The following LARGE1 variants were observed in gnomAD, a reference collection of about 807,000 sequenced individuals.
LARGE1 encodes LARGE xylosyl- and glucuronyltransferase 1.
Under a neutral mutation model 87.6 loss-of-function variants are expected in LARGE1, and 43 were observed. The observed-to-expected ratio is 0.49, with a 90% confidence interval of 0.38 to 0.63. The LOEUF is 0.63. LARGE1 is among the 30% of genes least tolerant of loss of function. The pLI is 0.00. For missense variants in LARGE1, 802 were observed against 1,000.2 expected (o/e 0.80, Z 2.67); for synonymous variants, 434 against 394.6 (o/e 1.10, Z -1.18).
At chr22:33,201,185 G>C (rs1274646101) in intron 11 of LARGE1, among the ~76,000 whole-genome samples, 2 of 152,148 alleles carry the variant, frequency 1.3e-5, no homozygotes, top group Non-Finnish European at 2.9e-5. Flanking sequence ...GTGCATGCCT[G>C]TAATCCCAGC....
At chr22:33,496,604 T>G (rs1076913) in intron 6 of LARGE1, among the ~76,000 whole-genome samples, 1 of 151,938 alleles carries the variant, frequency 6.6e-6, no homozygotes, top group Non-Finnish European at 1.5e-5. Context: ...TGACCCGTTC[T>G]GTTTACGCTA....
intron 6 of LARGE1, among the ~76,000 whole-genome samples, chr22:33,497,204 C>G (rs930983816): frequency 6.6e-6 from 1 of 151,884 alleles, no homozygotes; most frequent in Admixed American, 6.6e-5. Context: ...GTCTCCCAAA[C>G]AGCTGGGACT....
At chr22:33,740,852 C>G (rs1472691500) in intron 2 of LARGE1, among the ~76,000 whole-genome samples, 1 of 152,206 alleles carries the variant, frequency 6.6e-6, no homozygotes, top group Non-Finnish European at 1.5e-5. Flanking sequence ...CTCACTCACT[C>G]AAGCTCTGTG....
chr22:33,878,129 C>CTTTTTTTTTTTGTTTTTTTTTTT, intron 1 of LARGE1, among the ~76,000 whole-genome samples: 1 of 44,652 alleles, frequency 2.2e-5, no homozygotes, highest in Non-Finnish European at 5.1e-5. Flanking sequence ...TATTGTATTT[C>CTTTTTTTTTTTGTTTTTTTTTTT]TTTTTTTTTT....
intron 4 of LARGE1, among the ~76,000 whole-genome samples, chr22:33,609,142 C>G (rs1466192151): frequency 6.6e-6 from 1 of 152,154 alleles, no homozygotes; most frequent in African/African-American, 2.4e-5. Flanking sequence ...TAAGTTACAA[C>G]AGGGATACAG....
chr22:33,514,329 T>A (rs2071197989), intron 6 of LARGE1, among the ~76,000 whole-genome samples: 1 of 152,168 alleles, frequency 6.6e-6, no homozygotes, highest in South Asian at 2.1e-4. Context: ...TATGCCTGCA[T>A]ATGTGTGTAT....
intron 1 of LARGE1, among the ~76,000 whole-genome samples, chr22:33,809,696 C>G (rs765962259): frequency 2.6e-5 from 4 of 151,768 alleles, no homozygotes. Context: ...CTTATTTCCT[C>G]CAATGTATGA....
At chr22:33,905,729 A>G (rs1372040045) in intron 1 of LARGE1, among the ~76,000 whole-genome samples, 2 of 152,220 alleles carry the variant, frequency 1.3e-5, no homozygotes, top group African/African-American at 4.8e-5. Flanking sequence ...ACCTCAACAT[A>G]CCAATTTCAA....
intron 2 of LARGE1, among the ~76,000 whole-genome samples, chr22:33,727,066 A>G (rs1261618132): frequency 6.6e-6 from 1 of 152,228 alleles, no homozygotes; most frequent in Non-Finnish European, 1.5e-5. Context: ...CAATGCCGGC[A>G]GCAGAAACAA....
the LARGE1 span, chr22:33,108,687 T>G: frequency 6.6e-6 from 1 of 152,134 alleles, no homozygotes; most frequent in Non-Finnish European, 1.5e-5. Flanking sequence ...TTTGAGCTTA[T>G]GTGGAAACAT....
chr22:33,811,937 G>A (rs147245530), intron 1 of LARGE1, among the ~76,000 whole-genome samples: 66 of 152,324 alleles, frequency 4.3e-4, no homozygotes, highest in African/African-American at 1.5e-3. Context: ...CAGGAAATGG[G>A]CTGACCCGGG....
chr22:33,839,669 A>G (rs2063215205), intron 1 of LARGE1, among the ~76,000 whole-genome samples: 1 of 152,258 alleles, frequency 6.6e-6, no homozygotes, highest in African/African-American at 2.4e-5. Context: ...CAGTTAAAAT[A>G]TGAATGCTAT....
intron 2 of LARGE1, among the ~76,000 whole-genome samples, chr22:33,698,903 G>A (rs62225376): frequency 0.07 from 10,645 of 152,178 alleles, 410 homozygotes; most frequent in Middle Eastern, 0.12. Context: ...TTTCTTCCCC[G>A]TAACACTTAA....
In LARGE1 at chr22:33,373,041, G is replaced by A. The variant is rs538617358; in HGVS notation, c.1131+8878C>T. Among the ~76,000 whole-genome samples, 13 of 152,312 alleles carry A rather than the reference G, an allele frequency of 8.5e-5. 1 individual carries two copies. Among genetic ancestry groups the A allele is most frequent in the Admixed American group, 7.2e-4 (11 of 15,292 alleles). ...AAAATGACTGGTTATTTAATAAAGA[G>A]AAAGTAAAGGACAAAGCAGAAAGTT... On this transcript the variant is annotated intron_variant, in intron 9 of 14. Transcript: ENST00000397394.
At chr22:33,159,258 A>G (rs1011607351), downstream of LARGE1, among the ~76,000 whole-genome samples, 1 of 152,214 alleles carries the variant, frequency 6.6e-6, no homozygotes, top group African/African-American at 2.4e-5. Context: ...TAATTATAAC[A>G]TAAAATCAAA....
At chr22:33,471,029 CTTTTTTT>C (rs372332553) in intron 6 of LARGE1, among the ~76,000 whole-genome samples, 15 of 129,764 alleles carry the variant, frequency 1.2e-4, no homozygotes, top group South Asian at 2.5e-4. Flanking sequence ...TCTTCTTCTT[CTTTTTTT>C]TTTTTTTTTT....
chr22:33,629,278 G>A (rs1473530871), intron 3 of LARGE1, among the ~76,000 whole-genome samples: 1 of 152,282 alleles, frequency 6.6e-6, no homozygotes, highest in South Asian at 2.1e-4. Context: ...GGAAAAACAC[G>A]CTGAATCAGG....
At chr22:33,714,021 CAT>C (rs1027221093) in intron 2 of LARGE1, among the ~76,000 whole-genome samples, 1 of 148,004 alleles carries the variant, frequency 6.8e-6, no homozygotes, top group Non-Finnish European at 1.5e-5. Flanking sequence ...CATAACATAA[CAT>C]AACATAACAT....
chr22:33,817,799 A>C (rs1434147956), intron 1 of LARGE1, among the ~76,000 whole-genome samples: 1 of 152,152 alleles, frequency 6.6e-6, no homozygotes, highest in Non-Finnish European at 1.5e-5. Flanking sequence ...CATTTTTATT[A>C]GTTATGCCTT....
Sources: allele counts gnomAD v4.1 joint callset (sites outside exome capture counted in the v4.1 genomes callset), GRCh38; gene constraint gnomAD v4.1.1; transcripts MANE v1.5; gene names NCBI Gene and HGNC (gene_info 2026-07-23, HGNC 2026-07-21).